ITGA3: variants seen among roughly 807,000 people sequenced by gnomAD.
The protein encoded by ITGA3 is integrin subunit alpha 3.
Under a neutral mutation model 131.1 loss-of-function variants are expected in ITGA3, and 70 were observed. The observed-to-expected ratio is 0.53, with a 90% CI of 0.44 to 0.65. ITGA3 has a LOEUF of 0.65. ITGA3 is among the 30% of genes least tolerant of loss of function. The pLI, the probability that ITGA3 is intolerant of heterozygous loss-of-function variation, is 0.00. For synonymous variants in ITGA3, 537 were observed against 571.6 expected, an observed-to-expected ratio of 0.94 and a Z score of 0.86; for missense variants, 1,098 against 1,388.6, an observed-to-expected ratio of 0.79 and a Z score of 3.33.
Position 50,058,001 on chromosome 17 carries a change from G to T in ITGA3, c.206+1356G>T, listed in dbSNP as rs146101428. On this transcript the variant is annotated intron_variant, in intron 1 of 25. Coordinates refer to ENST00000320031, the MANE Select transcript of ITGA3 (RefSeq NM_002204.4). ...TCTTTTGGAGATCCTGAGCCACCAT[G>T]AGCACAAGTTTCTACATCAGCTCTT... Among the ~76,000 whole-genome samples, 898 of 151,580 alleles carry T rather than the reference G, an allele frequency of 5.9e-3. 1 individual carries two copies. Among genetic ancestry groups the T allele is most frequent in the Middle Eastern group, 0.014 (4 of 294 alleles).
intron 21 of ITGA3, 131 bp downstream of exon 21, chr17:50,079,688 C>G (rs1909095992): frequency 9.7e-7 from 1 of 1,029,876 alleles, no homozygotes; most frequent in African/African-American, 1.6e-5. Flanking sequence ...TGGGAGCCTC[C>G]AGACAGAGCA....
At chr17:50,076,543 G>A (rs746912976) in intron 13 of ITGA3, 41 bp from the exon 14 acceptor site, 15 of 1,285,608 alleles carry the variant, frequency 1.2e-5, no homozygotes, top group Middle Eastern at 2.1e-4. Flanking sequence ...GAGGGCACTG[G>A]GGGGGGTGGT....
intron 5 of ITGA3, 113 bp from the exon 6 acceptor site, chr17:50,071,198 A>G: frequency 2.1e-6 from 2 of 968,856 alleles, no homozygotes; most frequent in Non-Finnish European, 1.6e-6. Flanking sequence ...TACTTGGAAT[A>G]GTGGGATAGA....
rs1442789571 is a variant in ITGA3, at chr17:50,064,691, C to G, written c.414+84C>G. On this transcript the variant is annotated intron_variant, in intron 3 of 25. Coordinates refer to ENST00000320031, the MANE Select transcript of ITGA3 (RefSeq NM_002204.4). This position sits in a 1 kb window ranked among gnomAD's most constrained non-coding sequence, Gnocchi z 4.4. ...GAGCTGGGAGGAAAGAAGAGGGCAG[C>G]AGGGGGGTCCACGGCGCGTGTGTGC... The G allele has an allele frequency of 2.6e-6, 3 of 1,172,698 alleles. No homozygotes were observed. The highest frequency in any genetic ancestry group is 2.1e-4 in the Middle Eastern group (1 of 4,736). The allele number at this position is 1,172,698 out of a possible 1,614,324, so 72.6% of individuals were successfully genotyped here.
At chr17:50,074,563 A>G (rs1398628153) in intron 10 of ITGA3, 29 bp downstream of exon 10, 2 of 1,502,192 alleles carry the variant, frequency 1.3e-6, no homozygotes, top group Middle Eastern at 1.7e-4. Flanking sequence ...CCTACTCCTC[A>G]TTTATTTATA....
intron 14 of ITGA3, 121 bp from the exon 15 acceptor site, chr17:50,076,853 G>T: frequency 1.6e-6 from 2 of 1,245,402 alleles, no homozygotes; most frequent in South Asian, 1.3e-5. Context: ...ACTAGAGGAC[G>T]GGGCCTGGCT....
intron 4 of ITGA3, among the ~76,000 whole-genome samples, 200 bp from the exon 5 acceptor site, chr17:50,070,644 C>CAAAAAAAAAAAAAAAAAAAAAA (rs59600840): frequency 1.4e-5 from 1 of 69,424 alleles, no homozygotes; most frequent in Non-Finnish European, 2.9e-5. Context: ...AAGACTGTCT[C>CAAAAAAAAAAAAAAAAAAAAAA]AAAAAAAAAA....
At position 50,087,855 on chromosome 17, in the gene ITGA3, C is replaced by T. The variant is rs61730094; in HGVS notation, c.3031C>T (p.Leu1011Phe). 1 of 1,596,046 alleles carries T rather than the reference C, an allele frequency of 6.3e-7. No individual in the cohort carries two copies. The highest frequency in any genetic ancestry group is 1.3e-5 in the African/African-American group (1 of 74,648). ...GCTGCTGCTGCTGGGGCTGATCATC[C>T]TCCTGCTGTGGAAGGTTAGTAGCCC... ...AGLLLLGLIILLLWKCGFFKR... is the reference protein window; with the variant it reads ...AGLLLLGLIIFLLWKCGFFKR... The change falls in exon 24 of 26, where the codon CTC becomes TTC. Residue 1011 changes from leucine (L) to phenylalanine (F), a missense_variant. Physicochemically the swap from Leu to Phe is conservative, Grantham distance 22. This residue lies in a region of ITGA3 where 699 missense variants were observed against 829.2 expected (regional missense o/e 0.84). Transcript: ENST00000320031.
In ITGA3 at chr17:50,083,723, CA is replaced by C. The variant is rs34118743; in HGVS notation, c.2919+2331del. Reference sequence around the variant, plus strand: ...TGGGTGACAGAGTGACATCTTGCCTCAAAAAAAAAAAAAAAAGAAACTAAAT... The same window carrying C: ...TGGGTGACAGAGTGACATCTTGCCTCAAAAAAAAAAAAAAAGAAACTAAAT... On this transcript the variant is annotated intron_variant, in intron 23 of 25. Coordinates refer to ENST00000320031, the MANE Select transcript of ITGA3 (RefSeq NM_002204.4). 1.8e-3 allele frequency among the ~76,000 whole-genome samples: 221 copies of C among 124,880 alleles called. 1 individual carries two copies. Among genetic ancestry groups the C allele is most frequent in the East Asian group, 5.7e-3 (19 of 3,320 alleles). 81.9% of individuals were successfully genotyped at this position (124,880 alleles called of 152,430 possible).
intron 23 of ITGA3, among the ~76,000 whole-genome samples, chr17:50,085,261 G>A (rs1257027080): frequency 6.6e-6 from 1 of 151,832 alleles, no homozygotes; most frequent in Non-Finnish European, 1.5e-5. Context: ...TTGCTGAAGG[G>A]TGTATGTGAC....
Position 50,089,094 on chromosome 17 carries a change from C to T in ITGA3, c.*32-16C>T, listed in dbSNP as rs1372214337. 3.7e-6 allele frequency: 6 copies of T among 1,607,086 alleles called. No homozygotes were observed. The highest frequency in any genetic ancestry group is 2.2e-5 in the East Asian group (1 of 44,790). On this transcript the variant is annotated splice_polypyrimidine_tract_variant and intron_variant, in intron 25 of 25. Coordinates refer to ENST00000320031, the MANE Select transcript of ITGA3 (RefSeq NM_002204.4). ...TCTGGATGCTAATGTTCTTTCTCTT[C>T]TCCCTCCAACTCCAGTGTGACTTCT...
In ITGA3 at chr17:50,078,025, C is replaced by T. The variant is rs765358682; in HGVS notation, c.2140-21C>T. On this transcript the variant is annotated intron_variant, in intron 16 of 25. Coordinates refer to ENST00000320031, the MANE Select transcript of ITGA3 (RefSeq NM_002204.4). ...GCCAGGCCCCATATGCCACTCTCTGCCTCCCTGACCCTTGTGGCAGATGGA... is the reference window on the plus strand; with the variant it reads ...GCCAGGCCCCATATGCCACTCTCTGTCTCCCTGACCCTTGTGGCAGATGGA... 14 of 1,598,034 alleles carry T rather than the reference C, an allele frequency of 8.8e-6. No individual in the cohort carries two copies. In the African/African-American group the frequency reaches 1.3e-4, roughly 15 times the overall value.
chr17:50,085,670 ATATATATAT>A (rs1909355008), intron 23 of ITGA3, among the ~76,000 whole-genome samples: 1 of 124,646 alleles, frequency 8.0e-6, no homozygotes, highest in Non-Finnish European at 1.8e-5. Context: ...TCTCAAAAAA[ATATATATAT>A]TATAGATTTA....
intron 3 of ITGA3, among the ~76,000 whole-genome samples, chr17:50,066,308 C>A (rs948059903): frequency 7.0e-6 from 1 of 143,292 alleles, no homozygotes; most frequent in Non-Finnish European, 1.5e-5. Flanking sequence ...CCCCATTTTT[C>A]TTTTTCTTTC....
In ITGA3 at chr17:50,081,334, CG is replaced by C; in HGVS notation, c.2848del (p.Val950Ter). 6.3e-7 allele frequency: 1 copy of C among 1,591,268 alleles called. No homozygotes were observed. Among genetic ancestry groups the C allele is most frequent in the Non-Finnish European group, 8.6e-7 (1 of 1,167,392 alleles). On this transcript the variant is annotated frameshift_variant, in exon 23 of 26. Coordinates refer to ENST00000320031, the MANE Select transcript of ITGA3 (RefSeq NM_002204.4). LOFTEE classifies it high-confidence loss of function. ...GGATTACAGAGACTTTGACCGAGTC[CG>C]GGTAAATGGCTGGGCTACCCTATTC... Reference protein sequence around the residue: ...IEDYRDFDRVRVNGWATLFLR... With the variant: ...IEDYRDFDRVXVNGWATLFLR...
chr17:50,058,664 G>A (rs970507841), intron 1 of ITGA3, among the ~76,000 whole-genome samples: 3 of 152,214 alleles, frequency 2.0e-5, no homozygotes, highest in African/African-American at 7.2e-5. Context: ...CTTTCCTAAG[G>A]GTGGTTCTGT....
chr17:50,073,591 TAAAC>T (rs1216859600), intron 7 of ITGA3, among the ~76,000 whole-genome samples: 2 of 119,298 alleles, frequency 1.7e-5, no homozygotes, highest in Admixed American at 1.8e-4. Flanking sequence ...ACACTGTCTA[TAAAC>T]ACACACACAC....
chr17:50,089,316 T>C lies in ITGA3; in HGVS notation c.*238T>C, dbSNP rs769879018. 6.5e-7 allele frequency: 1 copy of C among 1,540,688 alleles called. No homozygotes were observed. The highest frequency in any genetic ancestry group is 8.9e-7 in the Non-Finnish European group (1 of 1,123,512). On this transcript the variant is annotated 3_prime_UTR_variant, in exon 26 of 26. Transcript: ENST00000320031. ...TCCCCCAGTGTCCCCTTTCTTCCTA[T>C]TTATCATAAGTTATGCCTCTGACAG... is the stretch of plus-strand genomic sequence containing the variant.
chr17:50,078,326 C>A, intron 18 of ITGA3, 42 bp downstream of exon 18: 3 of 1,553,166 alleles, frequency 1.9e-6, no homozygotes, highest in South Asian at 1.1e-5. Flanking sequence ...GCCTGCTGTG[C>A]CTAAGCTAGG....
Sources: gnomAD v4.1 joint callset for allele counts (sites outside exome capture counted in the v4.1 genomes callset) on GRCh38, gnomAD v4.1.1 for gene constraint, gnomAD v4.1.1 regional missense constraint, Gnocchi (gnomAD v3.1) non-coding constraint, MANE v1.5 for transcripts, NCBI Gene and HGNC (gene_info 2026-07-23, HGNC 2026-07-21) for gene names.